The following PRELID2 variants were observed in gnomAD, a reference collection of about 807,000 sequenced individuals.
PRELID2 encodes the protein PRELI domain containing 2.
PRELID2 carries 25 observed loss-of-function variants against 28.4 expected under a neutral mutation model. That is an observed-to-expected ratio of 0.88 (90% confidence interval 0.64 to 1.23). The LOEUF (loss-of-function observed/expected upper bound fraction) is 1.23. Ranked by LOEUF, PRELID2 falls within the 50% of genes most tolerant of loss-of-function variation. The pLI is 0.00. For synonymous variants in PRELID2, 76 were observed against 71.6 expected, an observed-to-expected ratio of 1.06 and a Z score of -0.31; for missense variants, 201 against 214.4, an observed-to-expected ratio of 0.94 and a Z score of 0.39.
intron 1 of PRELID2, among the ~76,000 whole-genome samples, chr5:145,727,700 G>A (rs72492430): frequency 0.022 from 3,377 of 152,220 alleles, 63 homozygotes; most frequent in South Asian, 0.083. Context: ...CTTTTGGAAC[G>A]GGATAAGAGT....
At chr5:145,278,389 G>A in the PRELID2 span, among the ~76,000 whole-genome samples, 4 of 152,144 alleles carry the variant, frequency 2.6e-5, no homozygotes, top group South Asian at 2.1e-4. Context: ...AAGTCTTATC[G>A]TGACCAAAGG....
chr5:145,417,212 C>A, the PRELID2 span, among the ~76,000 whole-genome samples: 1 of 151,918 alleles, frequency 6.6e-6, no homozygotes, highest in Non-Finnish European at 1.5e-5. Context: ...AAATTGAATC[C>A]CCAAACAGAT....
the PRELID2 span, among the ~76,000 whole-genome samples, chr5:145,296,751 C>T: frequency 6.6e-6 from 1 of 151,864 alleles, no homozygotes; most frequent in Non-Finnish European, 1.5e-5. Flanking sequence ...GTTCTAGATC[C>T]CTGAGGAATC....
At chr5:145,620,485 G>A (rs927076840) in intron 1 of PRELID2, among the ~76,000 whole-genome samples, 1 of 152,156 alleles carries the variant, frequency 6.6e-6, no homozygotes, top group Admixed American at 6.5e-5. Flanking sequence ...GGGATGCTAC[G>A]CATGTGAGGG....
chr5:145,458,999 C>T, the PRELID2 span, among the ~76,000 whole-genome samples: 1 of 152,120 alleles, frequency 6.6e-6, no homozygotes, highest in African/African-American at 2.4e-5. Flanking sequence ...AGTTTTATTT[C>T]TGCTATGAAA....
chr5:145,573,492 TC>T (rs1426585687), intron 1 of PRELID2, among the ~76,000 whole-genome samples: 5 of 152,088 alleles, frequency 3.3e-5, no homozygotes, highest in Middle Eastern at 6.8e-3. Flanking sequence ...ATGCTCCCCC[TC>T]CCCTTTCCTC....
chr5:145,607,244 C>T (rs1753518839), intron 1 of PRELID2, among the ~76,000 whole-genome samples: 1 of 151,958 alleles, frequency 6.6e-6, no homozygotes, highest in Non-Finnish European at 1.5e-5. Context: ...TCTCAATTTC[C>T]TTCAGTCCAG....
intron 1 of PRELID2, among the ~76,000 whole-genome samples, chr5:145,585,034 C>T (rs913677775): frequency 6.6e-6 from 1 of 151,982 alleles, no homozygotes; most frequent in South Asian, 2.1e-4. Context: ...TGGAATCAAC[C>T]CAAATATCTG....
intron 5 of PRELID2, among the ~76,000 whole-genome samples, chr5:145,782,749 C>T (rs1319650880): frequency 6.6e-6 from 1 of 152,140 alleles, no homozygotes; most frequent in East Asian, 1.9e-4. Context: ...GTTTGAATTA[C>T]CTCTGATGCT....
In PRELID2 at chr5:145,670,469, T is replaced by C. The variant is rs898040058; in HGVS notation, n.70+94462A>G. ...TTTGGAAGGCACAAACATCAAACCA[T>C]ATCACCCATGAAGGCAGGGATGGAT... is the stretch of plus-strand genomic sequence containing the variant. On this transcript the variant is annotated intron_variant and non_coding_transcript_variant, in intron 1 of 2. Coordinates refer to the PRELID2 transcript ENST00000510259. Among the ~76,000 whole-genome samples the C allele has an allele frequency of 2.0e-5, 3 of 152,126 alleles. No individual in the cohort carries two copies. The South Asian group carries it at 6.2e-4, about 32-fold the overall frequency.
At chr5:145,686,596 T>C (rs554172637) in intron 1 of PRELID2, among the ~76,000 whole-genome samples, 3 of 152,302 alleles carry the variant, frequency 2.0e-5, no homozygotes, top group Non-Finnish European at 4.4e-5. Flanking sequence ...TGAAGACTAT[T>C]TGTGTGCGTG....
At chr5:145,659,230 G>A (rs1025261719) in intron 1 of PRELID2, among the ~76,000 whole-genome samples, 3 of 152,124 alleles carry the variant, frequency 2.0e-5, no homozygotes, top group African/African-American at 7.2e-5. Flanking sequence ...CTCACCAATA[G>A]CCCAGGCACT....
chr5:145,255,825 T>G, the PRELID2 span, among the ~76,000 whole-genome samples: 2 of 148,654 alleles, frequency 1.3e-5, no homozygotes, highest in East Asian at 3.9e-4. Flanking sequence ...ACAGAGAGAG[T>G]AAAAATAATA....
the PRELID2 span, among the ~76,000 whole-genome samples, chr5:145,405,966 A>G: frequency 6.6e-6 from 1 of 151,988 alleles, no homozygotes; most frequent in Non-Finnish European, 1.5e-5. Flanking sequence ...CAGCCTCCCA[A>G]AGTGCTGGGG....
chr5:145,317,927 T>C, the PRELID2 span, among the ~76,000 whole-genome samples: 2 of 152,174 alleles, frequency 1.3e-5, no homozygotes, highest in African/African-American at 2.4e-5. Context: ...GATCTCACTA[T>C]AATGATAATA....
chr5:145,287,464 A>G, the PRELID2 span, among the ~76,000 whole-genome samples: 1 of 152,172 alleles, frequency 6.6e-6, no homozygotes, highest in Non-Finnish European at 1.5e-5. Context: ...AAAGGGGTGG[A>G]GTGAGATTTT....
At chr5:145,705,036 C>A (rs569618074) in intron 1 of PRELID2, among the ~76,000 whole-genome samples, 3 of 152,114 alleles carry the variant, frequency 2.0e-5, no homozygotes, top group African/African-American at 7.2e-5. Context: ...TTAAGACACC[C>A]AAGGTGGTTT....
chr5:145,533,743 C>T (rs1446891335), intron 1 of PRELID2, among the ~76,000 whole-genome samples: 1 of 152,060 alleles, frequency 6.6e-6, no homozygotes, highest in Non-Finnish European at 1.5e-5. Flanking sequence ...TTATCAATAA[C>T]ATAGTGACAG....
At chr5:145,299,327 T>C in the PRELID2 span, among the ~76,000 whole-genome samples, 1 of 152,148 alleles carries the variant, frequency 6.6e-6, no homozygotes, top group African/African-American at 2.4e-5. Context: ...TTTGAAAGTT[T>C]GTTTGGTTGA....
Sources: gnomAD v4.1 joint callset for allele counts (sites outside exome capture counted in the v4.1 genomes callset) on GRCh38, gnomAD v4.1.1 for gene constraint, MANE v1.5 for transcripts, NCBI Gene and HGNC (gene_info 2026-07-23, HGNC 2026-07-21) for gene names.